The following BPI variants were observed in gnomAD, a reference collection of about 807,000 sequenced individuals.
BPI encodes the protein bactericidal permeability-increasing protein.
In BPI, 48 loss-of-function variants were observed where a neutral mutation model predicts 57.6. That is an observed-to-expected ratio of 0.83 (90% CI 0.66 to 1.06). The LOEUF (loss-of-function observed/expected upper bound fraction) is 1.06, where lower values mean the gene tolerates loss of function less well. BPI is among the 50% of genes least tolerant of loss of function. The pLI is 0.00. For missense variants in BPI, 651 were observed against 609.7 expected, an observed-to-expected ratio of 1.07 and a Z score of -0.71; for synonymous variants, 237 against 238.2, an observed-to-expected ratio of 0.99 and a Z score of 0.05.
intron 11 of BPI, among the ~76,000 whole-genome samples, chr20:38,329,403 G>T (rs2076731188): frequency 6.6e-6 from 1 of 152,314 alleles, no homozygotes; most frequent in Non-Finnish European, 1.5e-5. Flanking sequence ...AGCCCCAGAG[G>T]TTTATGTGCT....
chr20:38,313,584 C>T (rs936062982), intron 5 of BPI, among the ~76,000 whole-genome samples: 1 of 152,128 alleles, frequency 6.6e-6, no homozygotes, highest in African/African-American at 2.4e-5. Context: ...GGAACAATTA[C>T]AATGATTATT....
intron 9 of BPI, 71 bp downstream of exon 9, chr20:38,324,904 G>T (rs1019398496): frequency 4.8e-6 from 6 of 1,249,612 alleles, no homozygotes; most frequent in Non-Finnish European, 7.1e-6. Context: ...CTGAGTGGAT[G>T]ATGAGAGCCC....
Position 38,310,563 on chromosome 20 carries a change from C to A in BPI, c.447C>A (p.Asn149Lys). 3.1e-6 allele frequency: 5 copies of A among 1,614,174 alleles called. No individual in the cohort carries two copies. Among genetic ancestry groups the A allele is most frequent in the Non-Finnish European group, 4.2e-6 (5 of 1,180,032 alleles). ...CGGCTGATCTGAAGCTGGGCAGTAA[C>A]CCCACGTCAGGCAAGCCCACCATCA... ...SISADLKLGS[N>K]PTSGKPTITC... Residue 149 changes from asparagine (N) to lysine (K), a missense_variant, in exon 4 of 15, where the codon AAC (asparagine) becomes AAA (lysine). Physicochemically the swap from Asn to Lys is moderately conservative, Grantham distance 94. Transcript: ENST00000642449.
chr20:38,332,048 A>G (rs1272853369), intron 12 of BPI, among the ~76,000 whole-genome samples: 1 of 152,178 alleles, frequency 6.6e-6, no homozygotes, highest in Non-Finnish European at 1.5e-5. Flanking sequence ...GCCCTGTGGT[A>G]GAGACAAGCT....
Position 38,307,590 on chromosome 20 carries a change from C to G in BPI, c.154C>G (p.Leu52Val), listed in dbSNP as rs759273170. 3.7e-6 allele frequency: 6 copies of G among 1,609,904 alleles called. No homozygotes were observed. Among genetic ancestry groups the G allele is most frequent in the South Asian group, 2.2e-5 (2 of 90,100 alleles). The change falls in exon 2 of 15, where the codon CTG becomes GTG. Residue 52 changes from leucine to valine, a missense_variant. Leu to Val is a conservative substitution (Grantham distance 32). Coordinates refer to ENST00000642449, the MANE Select transcript of BPI (RefSeq NM_001725.3). ...AGCCAGCCAGCAGGGGACGGCCGCT[C>G]TGCAGAAGGAGCTGAAGAGGATCAA... ...DYASQQGTAA[L>V]QKELKRIKIP...
chr20:38,333,047 T>C (rs2122566362), intron 12 of BPI, among the ~76,000 whole-genome samples: 1 of 152,188 alleles, frequency 6.6e-6, no homozygotes, highest in South Asian at 2.1e-4. Flanking sequence ...GTGAGTGCCT[T>C]GTAAGCCCTC....
At chr20:38,317,112 G>A (rs535456561) in intron 5 of BPI, among the ~76,000 whole-genome samples, 1 of 152,288 alleles carries the variant, frequency 6.6e-6, no homozygotes, top group South Asian at 2.1e-4. Flanking sequence ...AAGGACTGAA[G>A]AGACTGCTGG....
At chr20:38,317,804 A>C in intron 5 of BPI, 1 of 1,482,140 alleles carries the variant, frequency 6.7e-7, no homozygotes, top group South Asian at 1.2e-5. Context: ...CAACTTCCTC[A>C]GTGTCAAAGT....
At chr20:38,305,540 T>A (rs529104629) in intron 1 of BPI, among the ~76,000 whole-genome samples, 6 of 152,304 alleles carry the variant, frequency 3.9e-5, no homozygotes, top group Non-Finnish European at 8.8e-5. Flanking sequence ...CTGGCCCCTG[T>A]CAACTTACAG....
At chr20:38,315,749 C>CTCCT (rs532980978) in intron 5 of BPI, among the ~76,000 whole-genome samples, 131 of 151,860 alleles carry the variant, frequency 8.6e-4, no homozygotes, top group Non-Finnish European at 1.4e-3. Flanking sequence ...GCTGTCTTCC[C>CTCCT]TCCTTCCTTC....
At chr20:38,312,394 C>G (rs911373022) in intron 5 of BPI, among the ~76,000 whole-genome samples, 2 of 152,222 alleles carry the variant, frequency 1.3e-5, no homozygotes, top group African/African-American at 4.8e-5. Context: ...GAGGCTGGAA[C>G]TAGTACAAGA....
chr20:38,322,477 T>G (rs1460709802), intron 7 of BPI, among the ~76,000 whole-genome samples: 1 of 152,186 alleles, frequency 6.6e-6, no homozygotes, highest in Non-Finnish European at 1.5e-5. Flanking sequence ...TTCTAAGCAC[T>G]CACATAAATG....
chr20:38,323,659 G>A (rs1428301771), intron 7 of BPI, among the ~76,000 whole-genome samples: 2 of 152,208 alleles, frequency 1.3e-5, no homozygotes, highest in African/African-American at 4.8e-5. Flanking sequence ...TATAAGATGA[G>A]CATAATTATA....
intron 11 of BPI, 107 bp downstream of exon 11, chr20:38,327,762 T>C: frequency 7.5e-7 from 1 of 1,327,294 alleles, no homozygotes; most frequent in African/African-American, 1.5e-5. Flanking sequence ...TGTTTTCCTG[T>C]TGGCTCATCA....
At chr20:38,317,939 C>G in intron 5 of BPI, 1 of 985,300 alleles carries the variant, frequency 1.0e-6, no homozygotes, top group African/African-American at 1.7e-5. Context: ...TCTGGCCATA[C>G]ATACCAAACA....
In BPI at chr20:38,323,830, T is replaced by C. The variant is rs769791312; in HGVS notation, c.757-40T>C. On this transcript the variant is annotated intron_variant, in intron 7 of 14. Coordinates refer to ENST00000642449, the MANE Select transcript of BPI (RefSeq NM_001725.3). ...GATGGAGATGTTGACTTATAATTCC[T>C]GAAGAATATCTGGGCTCACTCTGTT... 3.1e-6 allele frequency: 5 copies of C among 1,592,350 alleles called. No individual in the cohort carries two copies. The African/African-American group carries it at 6.8e-5, about 22-fold the overall frequency.
rs779790172 is a variant in BPI, at chr20:38,320,205, G to A, written c.687G>A (p.Val229=). ...TLPVMTKIDS[V]AGINYGLVAP... is the part of the protein sequence containing the mutation. ...TAGTAATGACCAAAATAGATTCTGT[G>A]GCTGGAATCAACTATGGTCTGGTGG... Residue 229 remains valine (V), a synonymous_variant, in exon 7 of 15, where the codon GTG becomes GTA. Coordinates refer to ENST00000642449, the MANE Select transcript of BPI (RefSeq NM_001725.3). 15 of 1,613,846 alleles carry A rather than the reference G, an allele frequency of 9.3e-6. No individual in the cohort carries two copies. The Admixed American group carries it at 2.5e-4, about 27-fold the overall frequency.
chr20:38,314,477 AATG>A (rs2076640690), intron 5 of BPI, among the ~76,000 whole-genome samples: 1 of 42,244 alleles, frequency 2.4e-5, no homozygotes, highest in Non-Finnish European at 4.7e-5. Context: ...GGATGATGAT[AATG>A]ATGGTGATGG....
intron 5 of BPI, among the ~76,000 whole-genome samples, chr20:38,316,865 G>A (rs1291839855): frequency 6.6e-6 from 1 of 152,192 alleles, no homozygotes; most frequent in East Asian, 1.9e-4. Flanking sequence ...GGGGCCATGG[G>A]GATGCCTGAA....
Sources: allele counts gnomAD v4.1 joint callset (sites outside exome capture counted in the v4.1 genomes callset), GRCh38; gene constraint gnomAD v4.1.1; transcripts MANE v1.5; gene names NCBI Gene and HGNC (gene_info 2026-07-23, HGNC 2026-07-21).